Variants in AVL9 observed in about 807,000 individuals in gnomAD.
The protein encoded by AVL9 is late secretory pathway protein AVL9 homolog.
Under a neutral mutation model 79.2 loss-of-function variants are expected in AVL9, and 49 were observed. The observed-to-expected ratio is 0.62, with a 90% CI of 0.49 to 0.79. The LOEUF is 0.79. AVL9 is among the 30% of genes least tolerant of loss of function. The probability of loss-of-function intolerance (pLI) is 0.00; values close to 1 mark genes in which losing one functional copy is unlikely to be tolerated. For synonymous variants in AVL9, 299 were observed against 280.6 expected, an observed-to-expected ratio of 1.07 and a Z score of -0.65; for missense variants, 682 against 776.8, an observed-to-expected ratio of 0.88 and a Z score of 1.45.
chr7:32,571,229 CAAAAAAAAAA>C (rs35287763), intron 11 of AVL9, among the ~76,000 whole-genome samples: 1 of 65,104 alleles, frequency 1.5e-5, no homozygotes, highest in African/African-American at 6.0e-5. Context: ...GACCCTGTCT[CAAAAAAAAAA>C]AAAAAAAAAG....
At position 32,499,622 on chromosome 7, in the gene AVL9, G is replaced by A. The variant is rs547759842; in HGVS notation, c.93+3820G>A. ...ACTTTAAGTTCTGGGATACATGTGC[G>A]AAACATTCGGGTTTGTTATATAGGT... On this transcript the variant is annotated intron_variant, in intron 1 of 15. Transcript: ENST00000318709. Among the ~76,000 whole-genome samples the A allele has an allele frequency of 4.6e-4, 70 of 152,018 alleles. 2 individuals are homozygous for A. Among genetic ancestry groups the A allele is most frequent in the Admixed American group, 3.1e-3 (47 of 15,252 alleles).
chr7:32,578,786 A>G (rs12672432), intron 13 of AVL9, among the ~76,000 whole-genome samples: 38,039 of 152,156 alleles, frequency 0.25, 6,366 homozygotes, highest in African/African-American at 0.47. Context: ...CAGCCTGGGT[A>G]ACAGTGAGAC....
At chr7:32,567,615 A>C (rs1354592117) in intron 10 of AVL9, among the ~76,000 whole-genome samples, 2 of 152,172 alleles carry the variant, frequency 1.3e-5, no homozygotes, top group African/African-American at 4.8e-5. Context: ...TATTCTATGC[A>C]GAAACAAATG....
chr7:32,521,927 T>C (rs1182894178), intron 1 of AVL9, among the ~76,000 whole-genome samples: 1 of 152,226 alleles, frequency 6.6e-6, no homozygotes, highest in Non-Finnish European at 1.5e-5. Context: ...CAGCTCAGGT[T>C]GTGGCCTCAG....
intron 10 of AVL9, among the ~76,000 whole-genome samples, chr7:32,568,140 C>T (rs1790663923): frequency 1.3e-5 from 2 of 152,010 alleles, no homozygotes; most frequent in Admixed American, 1.3e-4. Flanking sequence ...GCTGGGATTA[C>T]AAGTGTGAGT....
At chr7:32,572,994 T>G (rs1379381758) in intron 11 of AVL9, among the ~76,000 whole-genome samples, 1 of 152,152 alleles carries the variant, frequency 6.6e-6, no homozygotes, top group South Asian at 2.1e-4. Context: ...TTTATGTGTG[T>G]ATTTTCTAAA....
At chr7:32,535,919 A>G (rs1258086890) in intron 1 of AVL9, 2 of 152,124 alleles carry the variant, frequency 1.3e-5, no homozygotes, top group Non-Finnish European at 2.9e-5. Context: ...TTTTATAAAT[A>G]TCTGGCATTT....
At chr7:32,562,231 A>G (rs1790360915) in intron 10 of AVL9, among the ~76,000 whole-genome samples, 1 of 152,090 alleles carries the variant, frequency 6.6e-6, no homozygotes, top group African/African-American at 2.4e-5. Flanking sequence ...AATAAAGTGA[A>G]GTACAATAAA....
intron 4 of AVL9, 109 bp downstream of exon 4, chr7:32,549,027 A>G (rs903648958): frequency 1.6e-6 from 1 of 619,674 alleles, no homozygotes; most frequent in Non-Finnish European, 2.5e-6. Flanking sequence ...TATTAAAATT[A>G]TTTATGCCCT....
chr7:32,499,392 T>G (rs1787017204), intron 1 of AVL9, among the ~76,000 whole-genome samples: 1 of 151,994 alleles, frequency 6.6e-6, no homozygotes, highest in African/African-American at 2.4e-5. Context: ...AGAACTTTTT[T>G]AACTACTCAA....
chr7:32,547,005 C>T (rs908657373), intron 3 of AVL9, among the ~76,000 whole-genome samples: 4 of 152,040 alleles, frequency 2.6e-5, no homozygotes, highest in Non-Finnish European at 4.4e-5. Flanking sequence ...ATTTGGAAAG[C>T]CAGCTAGATG....
At chr7:32,579,408 TA>T (rs1791272857) in intron 13 of AVL9, among the ~76,000 whole-genome samples, 7 of 8,310 alleles carry the variant, frequency 8.4e-4, no homozygotes, top group African/African-American at 2.2e-3. Flanking sequence ...ATATATTATA[TA>T]TAATATGTTA....
chr7:32,570,569 A>G (rs966615131), intron 11 of AVL9, among the ~76,000 whole-genome samples: 1 of 152,134 alleles, frequency 6.6e-6, no homozygotes, highest in Non-Finnish European at 1.5e-5. Flanking sequence ...AATATTTGAC[A>G]TCAATATATA....
At chr7:32,513,795 A>G (rs1787791912) in intron 1 of AVL9, among the ~76,000 whole-genome samples, 1 of 152,222 alleles carries the variant, frequency 6.6e-6, no homozygotes, top group South Asian at 2.1e-4. Flanking sequence ...ATTGATCACT[A>G]TCTTTACTAT....
At chr7:32,558,526 C>T (rs12673881) in intron 8 of AVL9, 33 bp from the exon 9 acceptor site, 985,384 of 1,509,044 alleles carry the variant, frequency 0.65, 323,949 homozygotes, top group Admixed American at 0.76. Flanking sequence ...CTTCATGGGT[C>T]TTCTAATTTG....
intron 10 of AVL9, among the ~76,000 whole-genome samples, chr7:32,565,607 G>A (rs978393619): frequency 6.6e-6 from 1 of 150,948 alleles, no homozygotes; most frequent in African/African-American, 2.4e-5. Flanking sequence ...AATTATTGTC[G>A]ATTAAAAAAC....
intron 1 of AVL9, among the ~76,000 whole-genome samples, chr7:32,505,723 C>T (rs1326793760): frequency 6.6e-6 from 1 of 151,692 alleles, no homozygotes; most frequent in African/African-American, 2.4e-5. Context: ...TTGAGACTTA[C>T]AAGTATGTAA....
At chr7:32,518,748 C>T (rs2128122457) in intron 1 of AVL9, among the ~76,000 whole-genome samples, 1 of 152,144 alleles carries the variant, frequency 6.6e-6, no homozygotes, top group East Asian at 1.9e-4. Flanking sequence ...TGATCTAGGT[C>T]ATAATACAGT....
chr7:32,540,674 A>G (rs2128132980), intron 1 of AVL9, among the ~76,000 whole-genome samples: 1 of 152,148 alleles, frequency 6.6e-6, no homozygotes, highest in South Asian at 2.1e-4. Context: ...TCATTTTGTT[A>G]TCTTAATTAT....
Sources: allele counts gnomAD v4.1 joint callset (sites outside exome capture counted in the v4.1 genomes callset), GRCh38; gene constraint gnomAD v4.1.1; transcripts MANE v1.5; gene names NCBI Gene and HGNC (gene_info 2026-07-23, HGNC 2026-07-21).